Variants in NRG1 observed in about 807,000 individuals in gnomAD.
NRG1 encodes the protein pro-neuregulin-1, membrane-bound isoform.
Under a neutral mutation model 63.8 loss-of-function variants are expected in NRG1, and 18 were observed. The observed-to-expected ratio is 0.28, with a 90% CI of 0.19 to 0.42. The LOEUF is 0.42. Ranked by LOEUF, NRG1 falls within the 10% of genes least tolerant of loss-of-function variation. The pLI is 1.00. For synonymous variants in NRG1, 302 were observed against 301.3 expected (o/e 1.00, Z -0.02); for missense variants, 762 against 814.7 (o/e 0.94, Z 0.79).
chr8:32,283,493 A>G (rs1021700908), intron 1 of NRG1, among the ~76,000 whole-genome samples: 1 of 152,182 alleles, frequency 6.6e-6, no homozygotes, highest in African/African-American at 2.4e-5. Flanking sequence ...GTTATCCCAA[A>G]GTTAGAACGC....
At chr8:32,475,479 A>AAAAAAAC (rs1213506733) in intron 1 of NRG1, among the ~76,000 whole-genome samples, 1 of 150,840 alleles carries the variant, frequency 6.6e-6, no homozygotes, top group Non-Finnish European at 1.5e-5. Context: ...AAAAAAAAAA[A>AAAAAAAC]AGTGCCTACT....
intron 1 of NRG1, among the ~76,000 whole-genome samples, chr8:32,202,436 G>A (rs1843588897): frequency 6.6e-6 from 1 of 152,112 alleles, no homozygotes; most frequent in South Asian, 2.1e-4. Context: ...CCCCACAGTG[G>A]TGTCTAGGGG....
intron 1 of NRG1, among the ~76,000 whole-genome samples, chr8:31,740,642 G>A (rs1009427237): frequency 1.3e-5 from 2 of 151,464 alleles, no homozygotes; most frequent in African/African-American, 4.8e-5. Flanking sequence ...CTTGGAATTC[G>A]ATGTGTGTGT....
Position 32,117,315 on chromosome 8 carries a change from G to A in NRG1, c.37+477884G>A, listed in dbSNP as rs1185870361. 3.9e-5 allele frequency among the ~76,000 whole-genome samples: 6 copies of A among 152,270 alleles called. No homozygotes were observed. The East Asian group carries it at 1.2e-3, about 29-fold the overall frequency. ...TTATTAATAAAAGACTTTGTGGTCA[G>A]CATGACGTGTTAGCTACAGTTGAAT... On this transcript the variant is annotated intron_variant, in intron 1 of 10. Transcript: ENST00000519301.
intron 7 of NRG1, among the ~76,000 whole-genome samples, chr8:32,747,255 A>G (rs895409686): frequency 2.0e-5 from 3 of 152,114 alleles, no homozygotes; most frequent in African/African-American, 7.2e-5. Flanking sequence ...ACTCTCTGGA[A>G]AGAGTTTCTG....
intron 1 of NRG1, among the ~76,000 whole-genome samples, chr8:31,954,386 G>A (rs1804020739): frequency 6.6e-6 from 1 of 152,130 alleles, no homozygotes; most frequent in Non-Finnish European, 1.5e-5. Context: ...TGGAAATATA[G>A]TTTATGATTT....
chr8:31,821,180 G>A (rs1434116115), intron 1 of NRG1, among the ~76,000 whole-genome samples: 2 of 152,148 alleles, frequency 1.3e-5, no homozygotes, highest in Non-Finnish European at 2.9e-5. Flanking sequence ...CAATGTTTTG[G>A]AATGTTTTGG....
chr8:32,159,518 G>A (rs1393627208), intron 1 of NRG1, among the ~76,000 whole-genome samples: 1 of 145,184 alleles, frequency 6.9e-6, no homozygotes, highest in African/African-American at 2.7e-5. Flanking sequence ...TCCGGCCTGG[G>A]CGACAGAGCG....
intron 1 of NRG1, among the ~76,000 whole-genome samples, chr8:32,374,943 T>A (rs181194883): frequency 4.8e-4 from 73 of 152,162 alleles, no homozygotes; most frequent in African/African-American, 1.6e-3. Context: ...AGAACGGATA[T>A]TTTTGCCTAG....
At chr8:32,540,822 G>C (rs990614710) in intron 1 of NRG1, among the ~76,000 whole-genome samples, 19 of 152,258 alleles carry the variant, frequency 1.2e-4, no homozygotes, top group African/African-American at 4.3e-4. Flanking sequence ...ATGGGAAAGA[G>C]TTGGAGCCAA....
At chr8:31,947,063 G>C (rs554524089) in intron 1 of NRG1, among the ~76,000 whole-genome samples, 28 of 152,234 alleles carry the variant, frequency 1.8e-4, no homozygotes, top group Admixed American at 1.8e-3. Context: ...CCCTTTGGGA[G>C]GCCGAGGCGG....
At chr8:32,390,515 A>T (rs1587311960) in intron 1 of NRG1, among the ~76,000 whole-genome samples, 1 of 147,920 alleles carries the variant, frequency 6.8e-6, no homozygotes, top group Non-Finnish European at 1.5e-5. Flanking sequence ...AGGTGGGAGG[A>T]TTGCTTGAGC....
At chr8:31,860,473 G>T (rs996194394) in intron 1 of NRG1, among the ~76,000 whole-genome samples, 6 of 152,114 alleles carry the variant, frequency 3.9e-5, no homozygotes, top group Non-Finnish European at 8.8e-5. Context: ...TGTGAATCAG[G>T]TTTCAAACCT....
intron 1 of NRG1, among the ~76,000 whole-genome samples, chr8:32,275,040 C>T (rs529506047): frequency 7.2e-5 from 11 of 152,000 alleles, no homozygotes; most frequent in Non-Finnish European, 1.6e-4. Context: ...GAGAATCTAC[C>T]CCACAGCCAG....
intron 1 of NRG1, among the ~76,000 whole-genome samples, chr8:31,655,184 T>C (rs762092624): frequency 6.6e-6 from 1 of 152,204 alleles, no homozygotes; most frequent in Non-Finnish European, 1.5e-5. Flanking sequence ...ATTCAGCAAA[T>C]GTTTATCAGG....
At chr8:32,384,184 T>C (rs1185286468) in intron 1 of NRG1, among the ~76,000 whole-genome samples, 2 of 151,970 alleles carry the variant, frequency 1.3e-5, no homozygotes, top group African/African-American at 4.8e-5. Flanking sequence ...CTGCAGTGAG[T>C]TGTGATTGCA....
At chr8:31,920,441 A>C (rs1263836976) in intron 1 of NRG1, among the ~76,000 whole-genome samples, 1 of 152,216 alleles carries the variant, frequency 6.6e-6, no homozygotes, top group Non-Finnish European at 1.5e-5. Flanking sequence ...TATTTCATTC[A>C]GTAGTACCAA....
chr8:31,893,215 A>T (rs1831289725), intron 1 of NRG1, among the ~76,000 whole-genome samples: 1 of 150,762 alleles, frequency 6.6e-6, no homozygotes, highest in South Asian at 2.1e-4. Context: ...AGTACCATTA[A>T]ATAAAAGATA....
intron 1 of NRG1, among the ~76,000 whole-genome samples, chr8:32,414,339 A>G (rs897454126): frequency 6.6e-6 from 1 of 152,180 alleles, no homozygotes; most frequent in Non-Finnish European, 1.5e-5. Context: ...CTACCACCTC[A>G]ATTCAAACTA....
Sources: allele counts gnomAD v4.1 joint callset (sites outside exome capture counted in the v4.1 genomes callset), GRCh38; gene constraint gnomAD v4.1.1; transcripts MANE v1.5; gene names NCBI Gene and HGNC (gene_info 2026-07-23, HGNC 2026-07-21).